The following GREB1L variants were observed in gnomAD, a reference collection of about 807,000 sequenced individuals.
GREB1L encodes GREB1-like protein.
Under a neutral mutation model 200.8 loss-of-function variants are expected in GREB1L, and 17 were observed. That is an observed-to-expected ratio of 0.08 (90% CI 0.06 to 0.13). GREB1L has a LOEUF of 0.13. Among genes scored for constraint, GREB1L ranks in the 10% least tolerant of loss-of-function variants. The pLI, the probability that GREB1L is intolerant of heterozygous loss-of-function variation, is 1.00. For synonymous variants in GREB1L, 789 were observed against 893.0 expected (o/e 0.88, Z 2.08); for missense variants, 1,657 against 2,367.7 (o/e 0.70, Z 6.23).
At chr18:21,313,748 G>A (rs932882085) in intron 1 of GREB1L, among the ~76,000 whole-genome samples, 6 of 152,210 alleles carry the variant, frequency 3.9e-5, no homozygotes, top group East Asian at 3.9e-4. Flanking sequence ...TTGTCTTTCC[G>A]CTAAAACTCA....
At chr18:21,515,277 T>C in intron 28 of GREB1L, 140 bp from the exon 29 acceptor site, 1 of 660,592 alleles carries the variant, frequency 1.5e-6, no homozygotes, top group Non-Finnish European at 2.6e-6. Flanking sequence ...TTGACATTCT[T>C]CTCCATTTGC....
At chr18:21,254,289 C>T (rs1271652899) in intron 1 of GREB1L, among the ~76,000 whole-genome samples, 1 of 151,820 alleles carries the variant, frequency 6.6e-6, no homozygotes, top group Non-Finnish European at 1.5e-5. Flanking sequence ...AGGCTGGTCT[C>T]GAACTCCTTT....
intron 15 of GREB1L, chr18:21,454,842 T>A (rs2034681324): frequency 2.3e-6 from 1 of 426,442 alleles, no homozygotes; most frequent in Non-Finnish European, 4.4e-6. Flanking sequence ...CATTTATGGA[T>A]GAAGAGAAAT....
At chr18:21,272,407 C>G (rs1451542088) in intron 1 of GREB1L, among the ~76,000 whole-genome samples, 2 of 152,180 alleles carry the variant, frequency 1.3e-5, no homozygotes, top group African/African-American at 4.8e-5. Context: ...ATCTAGCCAG[C>G]CTCTGCCACA....
chr18:21,391,309 A>G (rs1446945100), intron 4 of GREB1L, among the ~76,000 whole-genome samples: 4 of 152,224 alleles, frequency 2.6e-5, no homozygotes, highest in African/African-American at 9.6e-5. Flanking sequence ...ACAACTGCCT[A>G]TAGTATTCAG....
intron 4 of GREB1L, among the ~76,000 whole-genome samples, chr18:21,394,632 G>T (rs911333106): frequency 6.6e-6 from 1 of 152,000 alleles, no homozygotes; most frequent in African/African-American, 2.4e-5. Flanking sequence ...GTTTTGGCCC[G>T]TTCATCTAGG....
intron 7 of GREB1L, among the ~76,000 whole-genome samples, chr18:21,420,298 G>T (rs776528629): frequency 8.6e-5 from 13 of 151,854 alleles, no homozygotes; most frequent in Non-Finnish European, 1.6e-4. Context: ...CTTGAACCTG[G>T]GAGGCGGAGG....
intron 1 of GREB1L, among the ~76,000 whole-genome samples, chr18:21,278,380 CAAAA>C (rs550496435): frequency 0.044 from 4,719 of 106,278 alleles, 164 homozygotes; most frequent in African/African-American, 0.086. Flanking sequence ...GACTCCATCT[CAAAA>C]AAAAAAAATA....
rs1210862899 is a variant in GREB1L, at chr18:21,505,803, T to G, written c.4229-7T>G. On this transcript the variant is annotated splice_polypyrimidine_tract_variant and splice_region_variant and intron_variant, in intron 24 of 32. Coordinates refer to ENST00000424526, the MANE Select transcript of GREB1L (RefSeq NM_001142966.3). Reference sequence around the variant, plus strand: ...CATGGGATGGCTTTTTGCCCCTTTATACACAGAAGTGATAAAGGAATCCAA... The same window carrying G: ...CATGGGATGGCTTTTTGCCCCTTTAGACACAGAAGTGATAAAGGAATCCAA... 2 of 1,550,996 alleles carry G rather than the reference T, an allele frequency of 1.3e-6. No homozygotes were observed. Among genetic ancestry groups the G allele is most frequent in the Non-Finnish European group, 1.7e-6 (2 of 1,146,692 alleles).
At chr18:21,423,532 T>C (rs965041081) in intron 7 of GREB1L, among the ~76,000 whole-genome samples, 11 of 152,266 alleles carry the variant, frequency 7.2e-5, no homozygotes, top group African/African-American at 2.6e-4. Context: ...CCAAGAAGCA[T>C]GCAGAATTCC....
At chr18:21,299,710 A>G (rs1598640563) in intron 1 of GREB1L, among the ~76,000 whole-genome samples, 1 of 152,122 alleles carries the variant, frequency 6.6e-6, no homozygotes, top group Non-Finnish European at 1.5e-5. Context: ...TGCTTTAACA[A>G]TTTCACTTAG....
intron 1 of GREB1L, among the ~76,000 whole-genome samples, chr18:21,317,160 G>T (rs749518635): frequency 6.6e-6 from 1 of 152,066 alleles, no homozygotes; most frequent in Non-Finnish European, 1.5e-5. Context: ...GATCCCTTCA[G>T]CCCGGAGGTT....
intron 10 of GREB1L, 79 bp downstream of exon 10, chr18:21,441,616 T>G (rs2033907166): frequency 1.6e-6 from 2 of 1,267,604 alleles, no homozygotes; most frequent in Non-Finnish European, 2.2e-6. Context: ...TTTTTTCATG[T>G]ATTCATGAAG....
intron 15 of GREB1L, among the ~76,000 whole-genome samples, chr18:21,459,279 C>CTTTTTT (rs746568414): frequency 6.6e-4 from 57 of 85,918 alleles, no homozygotes; most frequent in East Asian, 3.1e-3. Context: ...TTTTTCTTTA[C>CTTTTTT]TTTTTTTTTT....
intron 1 of GREB1L, among the ~76,000 whole-genome samples, chr18:21,315,140 A>C (rs1221006133): frequency 6.6e-6 from 1 of 151,768 alleles, no homozygotes; most frequent in Admixed American, 6.6e-5. Context: ...CCCAGGCTGG[A>C]GTGTAGTGGC....
chr18:21,304,134 C>T (rs1476360112), intron 1 of GREB1L, among the ~76,000 whole-genome samples: 7 of 152,138 alleles, frequency 4.6e-5, no homozygotes, highest in Admixed American at 3.9e-4. Context: ...ACCTATGTGT[C>T]AGGCTTAAAC....
chr18:21,311,608 T>C (rs760746104), intron 1 of GREB1L, among the ~76,000 whole-genome samples: 7 of 152,178 alleles, frequency 4.6e-5, no homozygotes, highest in Non-Finnish European at 1.0e-4. Flanking sequence ...CTGCTCAATA[T>C]GGAAACATTA....
chr18:21,403,002 C>T (rs2041382249), intron 6 of GREB1L, among the ~76,000 whole-genome samples: 1 of 151,994 alleles, frequency 6.6e-6, no homozygotes. Context: ...TACAATAGCT[C>T]TTCATAGCAG....
At chr18:21,495,534 A>T in intron 19 of GREB1L, 136 bp from the exon 20 acceptor site, 1 of 633,998 alleles carries the variant, frequency 1.6e-6, no homozygotes, top group Non-Finnish European at 2.8e-6. Flanking sequence ...TAAAATATAC[A>T]TACATAAACA....
Sources: gnomAD v4.1 joint callset for allele counts (sites outside exome capture counted in the v4.1 genomes callset) on GRCh38, gnomAD v4.1.1 for gene constraint, MANE v1.5 for transcripts, NCBI Gene and HGNC (gene_info 2026-07-23, HGNC 2026-07-21) for gene names.